ECT2L: variants seen among roughly 807,000 people sequenced by gnomAD.
ECT2L encodes epithelial cell-transforming sequence 2 oncogene-like.
ECT2L carries 126 observed loss-of-function variants against 122.8 expected under a neutral mutation model. That is an observed-to-expected ratio of 1.03 (90% CI 0.89 to 1.19). The LOEUF is 1.19. ECT2L is among the 50% of genes most tolerant of loss of function. The pLI, the probability that ECT2L is intolerant of heterozygous loss-of-function variation, is 0.00. For missense variants in ECT2L, 1,012 were observed against 1,064.1 expected (o/e 0.95, Z 0.68); for synonymous variants, 385 against 381.8 (o/e 1.01, Z -0.10).
At chr6:138,873,258 T>C (rs553453617) in intron 13 of ECT2L, among the ~76,000 whole-genome samples, 1 of 152,224 alleles carries the variant, frequency 6.6e-6, no homozygotes, top group South Asian at 2.1e-4. Flanking sequence ...AAAAAATACA[T>C]ATTAGATTCT....
chr6:138,887,612 T>C (rs1562493736), intron 19 of ECT2L, among the ~76,000 whole-genome samples: 1 of 152,188 alleles, frequency 6.6e-6, no homozygotes, highest in Non-Finnish European at 1.5e-5. Context: ...TTAGAAGGCC[T>C]GTGTTAGCGA....
Position 138,868,084 on chromosome 6 carries a change from T to A in ECT2L, c.1475-19T>A. 6.6e-7 allele frequency: 1 copy of A among 1,513,854 alleles called. No individual in the cohort carries two copies. Among genetic ancestry groups the A allele is most frequent in the Non-Finnish European group, 9.1e-7 (1 of 1,101,014 alleles). 93.8% of individuals were successfully genotyped at this position (1,513,854 alleles called of 1,614,324 possible). A position where few individuals can be genotyped will look rare whatever the true frequency, so the allele number is the denominator to read the frequency against. On this transcript the variant is annotated intron_variant, in intron 12 of 21. Transcript: ENST00000541398. ...TCTTACATAAATCAATTACAGGGCATGTGGCCTTGTATTTACAGGGCAGTT... is the reference window on the plus strand; with the variant it reads ...TCTTACATAAATCAATTACAGGGCAAGTGGCCTTGTATTTACAGGGCAGTT...
At chr6:138,819,888 CA>C (rs550933634) in intron 4 of ECT2L, among the ~76,000 whole-genome samples, 9 of 141,768 alleles carry the variant, frequency 6.3e-5, no homozygotes, top group Non-Finnish European at 7.7e-5. Context: ...CTTCATGTAC[CA>C]AAAAAAAAAC....
chr6:138,847,355 C>CTTTTTTTTTTTTTTTTTTTTTTTTTTTTT (rs1170631663), intron 8 of ECT2L, among the ~76,000 whole-genome samples: 1 of 54,904 alleles, frequency 1.8e-5, no homozygotes, highest in African/African-American at 8.1e-5. Context: ...AAGGCCCAAA[C>CTTTTTTTTTTTTTTTTTTTTTTTTTTTTT]TTTTTTTTTT....
intron 14 of ECT2L, chr6:138,879,285 A>G (rs552350895): frequency 1.1e-5 from 2 of 190,114 alleles, no homozygotes; most frequent in South Asian, 1.8e-4. Context: ...TAATATGAGC[A>G]GTTCTGACCC....
intron 5 of ECT2L, among the ~76,000 whole-genome samples, chr6:138,839,837 T>A (rs547769780): frequency 3.3e-5 from 5 of 152,332 alleles, no homozygotes; most frequent in African/African-American, 1.2e-4. Flanking sequence ...AGTTCTTTCA[T>A]GGTTACCATA....
chr6:138,900,704 T>C (rs9484212), intron 20 of ECT2L, among the ~76,000 whole-genome samples: 4,667 of 152,250 alleles, frequency 0.031, 116 homozygotes, highest in African/African-American at 0.067. Flanking sequence ...ACTTGTCCCA[T>C]GGACAAACGC....
intron 4 of ECT2L, among the ~76,000 whole-genome samples, chr6:138,820,958 T>C (rs1361345141): frequency 1.3e-5 from 2 of 152,226 alleles, no homozygotes; most frequent in African/African-American, 4.8e-5. Context: ...CCTAGAGATT[T>C]TGGCTCAACG....
At chr6:138,896,363 A>G (rs978247304) in intron 20 of ECT2L, among the ~76,000 whole-genome samples, 7 of 152,176 alleles carry the variant, frequency 4.6e-5, no homozygotes, top group Non-Finnish European at 8.8e-5. Flanking sequence ...TCCCAGGCCA[A>G]TTTTCCTTGG....
At chr6:138,885,401 G>A in intron 16 of ECT2L, 105 bp from the exon 17 acceptor site, 4 of 1,039,902 alleles carry the variant, frequency 3.8e-6, no homozygotes, top group East Asian at 4.8e-5. Context: ...AGACATAGAT[G>A]TTGCCCTTTT....
At chr6:138,842,457 T>C (rs977624111) in intron 5 of ECT2L, among the ~76,000 whole-genome samples, 2 of 145,244 alleles carry the variant, frequency 1.4e-5, no homozygotes, top group South Asian at 2.2e-4. Context: ...CAGGACTCCA[T>C]CTCAAAAAAA....
intron 20 of ECT2L, among the ~76,000 whole-genome samples, chr6:138,896,313 A>AT (rs1414557950): frequency 5.3e-5 from 8 of 152,122 alleles, no homozygotes; most frequent in African/African-American, 1.9e-4. Context: ...GGACTGGTGA[A>AT]TAGAGGCCTG....
In ECT2L at chr6:138,855,402, G is replaced by A. The variant is rs1002257514; in HGVS notation, c.1198+1248G>A. ...CAGACACCTGTAATCCCAGCTACTC[G>A]GGAGGCTGAGGCAGGAGAATCACTT... On this transcript the variant is annotated intron_variant, in intron 10 of 21. Transcript: ENST00000541398. Among the ~76,000 whole-genome samples, 6 of 152,114 alleles carry A rather than the reference G, an allele frequency of 3.9e-5. No individual in the cohort carries two copies. In the South Asian group the frequency reaches 1.0e-3, roughly 26 times the overall value.
At chr6:138,881,807 G>A (rs1267276437) in intron 15 of ECT2L, among the ~76,000 whole-genome samples, 3 of 152,032 alleles carry the variant, frequency 2.0e-5, no homozygotes, top group Non-Finnish European at 4.4e-5. Context: ...CAAGCAACAG[G>A]GAGCGGTTGT....
intron 4 of ECT2L, among the ~76,000 whole-genome samples, chr6:138,815,462 G>A (rs1419848690): frequency 6.6e-6 from 1 of 152,186 alleles, no homozygotes; most frequent in Non-Finnish European, 1.5e-5. Flanking sequence ...TACGTGGCAG[G>A]ATGGTTTTCC....
chr6:138,818,608 G>A (rs75412698), intron 4 of ECT2L, among the ~76,000 whole-genome samples: 1,664 of 152,330 alleles, frequency 0.011, 27 homozygotes, highest in African/African-American at 0.038. Context: ...TAAGGCGGAC[G>A]TTACTGAGAA....
intron 20 of ECT2L, 87 bp downstream of exon 20, chr6:138,889,118 C>T: frequency 1.7e-6 from 1 of 574,606 alleles, no homozygotes; most frequent in Non-Finnish European, 2.9e-6. Flanking sequence ...GCATTCAGTA[C>T]AATGTCTGAC....
Position 138,901,093 on chromosome 6 carries a change from C to G in ECT2L, c.2560C>G (p.Leu854Val). 6.2e-7 allele frequency: 1 copy of G among 1,614,062 alleles called. No individual in the cohort carries two copies. Among genetic ancestry groups the G allele is most frequent in the Non-Finnish European group, 8.5e-7 (1 of 1,179,990 alleles). The change falls in exon 21 of 22, where the codon CTC becomes GTC. Residue 854 changes from leucine to valine, a missense_variant. Coordinates refer to ENST00000541398, the MANE Select transcript of ECT2L (RefSeq NM_001077706.3). ...TGCATCAGTGGCCCTTCATCGGTTA[C>G]TCATAGAAAATATTCCAGATTCCAA... Reference protein sequence around the residue: ...FIASVALHRLLIENIPDSKYV... With the variant: ...FIASVALHRLVIENIPDSKYV...
intron 8 of ECT2L, among the ~76,000 whole-genome samples, chr6:138,846,964 T>TTAA (rs1305633427): frequency 2.7e-5 from 2 of 73,126 alleles, no homozygotes; most frequent in African/African-American, 1.1e-4. Context: ...TCTGTTTCTA[T>TTAA]AAAAAAAAAA....
Sources: gnomAD v4.1 joint callset for allele counts (sites outside exome capture counted in the v4.1 genomes callset) on GRCh38, gnomAD v4.1.1 for gene constraint, MANE v1.5 for transcripts, NCBI Gene and HGNC (gene_info 2026-07-23, HGNC 2026-07-21) for gene names.